HMGA2: variants seen among roughly 807,000 people sequenced by gnomAD.
HMGA2 encodes the protein high mobility group protein HMGI-C.
Under a neutral mutation model 19.1 loss-of-function variants are expected in HMGA2, and 8 were observed. The observed-to-expected ratio is 0.42, with a 90% confidence interval of 0.25 to 0.76. The LOEUF is 0.76. Ranked by LOEUF, HMGA2 falls within the 30% of genes least tolerant of loss-of-function variation. HMGA2 has a pLI of 0.28. For missense variants in HMGA2, 109 were observed against 136.3 expected (o/e 0.80, Z 1.00); for synonymous variants, 60 against 48.8 (o/e 1.23, Z -0.96).
At chr12:65,954,818 A>C (rs1220589120) in intron 4 of HMGA2, 3 of 152,220 alleles carry the variant, frequency 2.0e-5, no homozygotes, top group Non-Finnish European at 4.4e-5. Flanking sequence ...TTTTTCTAAA[A>C]TTCCAAAACC....
At chr12:65,867,070 A>C in intron 3 of HMGA2, 1 of 399,586 alleles carries the variant, frequency 2.5e-6, no homozygotes, top group African/African-American at 2.1e-5. Context: ...GTGAGGAAAG[A>C]AATGGCAAGA....
At chr12:65,826,369 A>G (rs962157587) in intron 1 of HMGA2, 26 of 152,384 alleles carry the variant, frequency 1.7e-4, no homozygotes, top group African/African-American at 6.3e-4. Flanking sequence ...TGTTCGCTGT[A>G]ATTTCCAAGC....
At chr12:65,836,315 C>T (rs1281971431) in intron 2 of HMGA2, among the ~76,000 whole-genome samples, 8 of 150,602 alleles carry the variant, frequency 5.3e-5, no homozygotes, top group Non-Finnish European at 1.2e-4. Context: ...GCAGAGACCG[C>T]GTCACTGCAC....
At chr12:65,889,453 T>A (rs78232438) in intron 3 of HMGA2, among the ~76,000 whole-genome samples, 11,531 of 152,236 alleles carry the variant, frequency 0.076, 473 homozygotes, top group Middle Eastern at 0.17. Context: ...TAGGTAAATA[T>A]ACGTGTATAT....
At chr12:65,865,633 C>CTTT (rs952845162) in intron 3 of HMGA2, among the ~76,000 whole-genome samples, 14 of 131,766 alleles carry the variant, frequency 1.1e-4, no homozygotes, top group African/African-American at 1.7e-4. Flanking sequence ...ATCTATTTTT[C>CTTT]TTTTTTTTTT....
chr12:65,893,548 T>C (rs1874003014), intron 3 of HMGA2, among the ~76,000 whole-genome samples: 1 of 152,208 alleles, frequency 6.6e-6, no homozygotes, highest in Non-Finnish European at 1.5e-5. Context: ...CACCTCCTTG[T>C]TAGAGATTTT....
At chr12:65,854,572 G>T (rs1420351708) in intron 3 of HMGA2, among the ~76,000 whole-genome samples, 3 of 152,138 alleles carry the variant, frequency 2.0e-5, no homozygotes, top group South Asian at 2.1e-4. Flanking sequence ...ACTACCAAAG[G>T]TATTATTATT....
At chr12:65,885,160 A>G (rs1235957763) in intron 3 of HMGA2, among the ~76,000 whole-genome samples, 23 of 152,200 alleles carry the variant, frequency 1.5e-4, no homozygotes, top group Admixed American at 1.5e-3. Flanking sequence ...AGCTTTTGAT[A>G]TTAAGCTGTG....
chr12:65,868,770 T>C (rs1041662034), intron 3 of HMGA2, among the ~76,000 whole-genome samples: 2 of 152,208 alleles, frequency 1.3e-5, no homozygotes, highest in Admixed American at 6.5e-5. Context: ...CTAGAATCTA[T>C]AGGAACTGTT....
At chr12:65,867,319 G>C (rs1034540074) in intron 3 of HMGA2, among the ~76,000 whole-genome samples, 2 of 152,046 alleles carry the variant, frequency 1.3e-5, no homozygotes, top group East Asian at 3.9e-4. Context: ...TTTGCTTTTG[G>C]ATACAAAGGC....
At position 65,825,308 on chromosome 12, in the gene HMGA2, C is replaced by T. The variant is rs1397468624; in HGVS notation, c.38C>T (p.Thr13Ile). Reference protein sequence around the residue: ...ARGEGAGQPSTSAQGQPAAPA... With the variant: ...ARGEGAGQPSISAQGQPAAPA... ...GGTGAGGGCGCGGGGCAGCCGTCCA[C>T]TTCAGCCCAGGGACAACCTGCCGCC... The change falls in exon 1 of 5, where the codon ACT (threonine) becomes ATT (isoleucine). Residue 13 changes from threonine to isoleucine, a missense_variant. Physicochemically the swap from Thr to Ile is moderately conservative, Grantham distance 89. Transcript: ENST00000403681. The surrounding 1 kb of genome is among the most constrained non-coding windows in gnomAD (Gnocchi z 4.4). 20 of 1,537,574 alleles carry T rather than the reference C, an allele frequency of 1.3e-5. No individual in the cohort carries two copies. The highest frequency in any genetic ancestry group is 1.7e-5 in the Non-Finnish European group (20 of 1,145,700).
At chr12:65,939,380 G>A (rs966122554) in intron 3 of HMGA2, among the ~76,000 whole-genome samples, 2 of 150,582 alleles carry the variant, frequency 1.3e-5, no homozygotes, top group African/African-American at 2.4e-5. Context: ...TTTTGAGACC[G>A]AGTCTCGCTC....
chr12:65,830,570 G>T (rs367832963), intron 2 of HMGA2, among the ~76,000 whole-genome samples: 10 of 151,844 alleles, frequency 6.6e-5, no homozygotes, highest in Middle Eastern at 6.3e-3. Flanking sequence ...TAGAGGAGCT[G>T]CAATGCACAC....
chr12:65,856,702 G>C (rs1244138177), intron 3 of HMGA2: 3 of 152,398 alleles, frequency 2.0e-5, no homozygotes, highest in African/African-American at 7.2e-5. Flanking sequence ...CTCCCTGAAG[G>C]CTCTAGGGAA....
rs60786450 is a variant in HMGA2 at position 65,824,713 on chromosome 12, TTCTC to T, written c.-505_-502del. The T allele has an allele frequency of 0.079, 11,188 of 141,648 alleles. 170 individuals are homozygous for T. The highest frequency in any genetic ancestry group is 0.099 in the East Asian group (1,224 of 12,308). 8.8% of individuals were successfully genotyped at this position (141,648 alleles called of 1,614,324 possible). On this transcript the variant is annotated 5_prime_UTR_variant, in exon 1 of 5. Transcript: ENST00000403681. ...CCAAGGCACTTTCAATCTCAATCTC[TTCTC>T]TCTCTCTCTCTCTCTCTCTCTCTCT...
intron 3 of HMGA2, among the ~76,000 whole-genome samples, chr12:65,922,786 A>G (rs1875362560): frequency 6.6e-6 from 1 of 152,068 alleles, no homozygotes; most frequent in Non-Finnish European, 1.5e-5. Flanking sequence ...TGTTGTGAGA[A>G]GGACCCAGGG....
At chr12:65,934,036 C>G (rs1163104813) in intron 3 of HMGA2, among the ~76,000 whole-genome samples, 1 of 152,194 alleles carries the variant, frequency 6.6e-6, no homozygotes, top group Admixed American at 6.5e-5. Flanking sequence ...CCTCAGCTTG[C>G]AGTAGCAGAA....
chr12:65,833,784 G>T (rs1870581031), intron 2 of HMGA2, among the ~76,000 whole-genome samples: 1 of 152,144 alleles, frequency 6.6e-6, no homozygotes, highest in Non-Finnish European at 1.5e-5. Flanking sequence ...AACATGGGCA[G>T]GTTGCTTAAT....
At chr12:65,960,644 A>G (rs1876727214) in intron 4 of HMGA2, among the ~76,000 whole-genome samples, 1 of 152,220 alleles carries the variant, frequency 6.6e-6, no homozygotes, top group Non-Finnish European at 1.5e-5. Flanking sequence ...TGAGAAAACC[A>G]TCATTCTGAG....
Sources: allele counts gnomAD v4.1 joint callset (sites outside exome capture counted in the v4.1 genomes callset), GRCh38; gene constraint gnomAD v4.1.1; non-coding constraint Gnocchi (gnomAD v3.1); transcripts MANE v1.5; gene names NCBI Gene and HGNC (gene_info 2026-07-23, HGNC 2026-07-21).